PGAP2: variants seen among roughly 807,000 people sequenced by gnomAD.
PGAP2 encodes acyltransferase PGAP2.
A neutral mutation model predicts 33.2 loss-of-function variants in PGAP2; 21 were observed. That is an observed-to-expected ratio of 0.63 (90% confidence interval 0.45 to 0.91). PGAP2 has a LOEUF of 0.91. Among genes scored for constraint, PGAP2 ranks in the 40% least tolerant of loss-of-function variants. The pLI is 0.00. For missense variants in PGAP2, 345 were observed against 424.0 expected (o/e 0.81, Z 1.64); for synonymous variants, 161 against 172.9 (o/e 0.93, Z 0.54).
chr11:3,820,584 T>C (rs888643722), intron 3 of PGAP2, among the ~76,000 whole-genome samples: 9 of 151,912 alleles, frequency 5.9e-5, no homozygotes, highest in Non-Finnish European at 2.9e-5. Context: ...TGCTTGAACC[T>C]GGGAGGTGGA....
chr11:3,800,594 G>A (rs995798167), intron 1 of PGAP2, among the ~76,000 whole-genome samples: 2 of 150,910 alleles, frequency 1.3e-5, no homozygotes, highest in East Asian at 2.0e-4. Context: ...GGCGGATCAC[G>A]AGGTCAGGAG....
At chr11:3,815,800 A>C (rs889666953) in intron 2 of PGAP2, among the ~76,000 whole-genome samples, 3 of 152,154 alleles carry the variant, frequency 2.0e-5, no homozygotes, top group African/African-American at 7.2e-5. Context: ...GAACATCGAT[A>C]TCTCATATTC....
chr11:3,823,597 C>G, intron 3 of PGAP2: 1 of 1,535,972 alleles, frequency 6.5e-7, no homozygotes, highest in Non-Finnish European at 8.7e-7. Flanking sequence ...CCCATCTACA[C>G]ATTGACCAAA....
chr11:3,798,457 G>A (rs113049814), intron 1 of PGAP2, among the ~76,000 whole-genome samples: 16,142 of 152,048 alleles, frequency 0.11, 955 homozygotes, highest in Middle Eastern at 0.16. Context: ...AGCCTCCCAA[G>A]TAGCTGGGAT....
In PGAP2 at chr11:3,811,270, T is replaced by C; in HGVS notation, c.11T>C (p.Val4Ala). 8 of 1,613,390 alleles carry C rather than the reference T, an allele frequency of 5.0e-6. No individual in the cohort carries two copies. Among genetic ancestry groups the C allele is most frequent in the Non-Finnish European group, 5.9e-6 (7 of 1,179,600 alleles). ...CCCAGGTCTGACAAGATGTACCAGG[T>C]CCCACTACCACTGGATCGGGATGGG... MYQ[V>A]PLPLDRDGTL... is the part of the protein sequence containing the mutation. The change falls in exon 2 of 7, where the codon GTC (valine) becomes GCC (alanine). Residue 4 changes from valine (V) to alanine (A), a missense_variant. By Grantham distance (64) the Val-to-Ala change is moderately conservative (BLOSUM62 0). Coordinates refer to ENST00000278243, the MANE Select transcript of PGAP2 (RefSeq NM_014489.4). The surrounding 1 kb of genome is among the most constrained non-coding windows in gnomAD (Gnocchi z 4.6).
chr11:3,802,210 C>T (rs1027070633), intron 1 of PGAP2, among the ~76,000 whole-genome samples: 3 of 151,822 alleles, frequency 2.0e-5, no homozygotes, highest in South Asian at 2.1e-4. Flanking sequence ...TGGAGGAATA[C>T]GTACTGGATG....
intron 3 of PGAP2, among the ~76,000 whole-genome samples, chr11:3,823,278 C>T (rs765864780): frequency 1.3e-5 from 2 of 151,794 alleles, no homozygotes; most frequent in Admixed American, 6.6e-5. Flanking sequence ...TCGGGTGATC[C>T]ACCCACCTCG....
chr11:3,798,126 G>A, intron 1 of PGAP2: 7 of 1,457,128 alleles, frequency 4.8e-6, no homozygotes, highest in Non-Finnish European at 6.3e-6. Flanking sequence ...GAGTTTGCCC[G>A]AGGCTTCTTC....
At chr11:3,817,633 A>T (rs1424528718) in intron 3 of PGAP2, 98 bp downstream of exon 3, 1 of 999,556 alleles carries the variant, frequency 1.0e-6, no homozygotes, top group Non-Finnish European at 1.6e-6. Flanking sequence ...GATCAGAGAG[A>T]GGGAAAGGGA....
upstream of PGAP2, among the ~76,000 whole-genome samples, chr11:3,805,862 T>G (rs544822045): frequency 1.3e-5 from 2 of 151,972 alleles, no homozygotes; most frequent in South Asian, 4.2e-4. Flanking sequence ...AATTTTTGTA[T>G]TTTTAGTAGA....
intron 1 of PGAP2, among the ~76,000 whole-genome samples, chr11:3,799,261 G>A (rs1376520367): frequency 6.6e-6 from 1 of 152,176 alleles, no homozygotes; most frequent in Non-Finnish European, 1.5e-5. Flanking sequence ...TATACTGGCC[G>A]GGCTGGTGGC....
Position 3,825,514 on chromosome 11 carries a change from A to G in PGAP2, c.*56A>G. 6.4e-7 allele frequency: 1 copy of G among 1,573,496 alleles called. No individual in the cohort carries two copies. Among genetic ancestry groups the G allele is most frequent in the Non-Finnish European group, 8.7e-7 (1 of 1,155,832 alleles). On this transcript the variant is annotated 3_prime_UTR_variant, in exon 7 of 7. Coordinates refer to ENST00000278243, the MANE Select transcript of PGAP2 (RefSeq NM_014489.4). Reference sequence around the variant, plus strand: ...CCACTGCCCAGAAACAAGAAACACGATACCATTCTGGCCTTCCCCACCCCA... The same window carrying G: ...CCACTGCCCAGAAACAAGAAACACGGTACCATTCTGGCCTTCCCCACCCCA...
chr11:3,800,868 C>G (rs1046574181), intron 1 of PGAP2, among the ~76,000 whole-genome samples: 1 of 151,152 alleles, frequency 6.6e-6, no homozygotes, highest in African/African-American at 2.4e-5. Flanking sequence ...AATGGTGGCT[C>G]ACGCCTATAA....
chr11:3,819,468 T>G (rs2087973818), intron 3 of PGAP2, among the ~76,000 whole-genome samples: 1 of 151,038 alleles, frequency 6.6e-6, no homozygotes, highest in South Asian at 2.1e-4. Flanking sequence ...CAAATGGAGT[T>G]TTTGTGCAGT....
intron 2 of PGAP2, among the ~76,000 whole-genome samples, chr11:3,814,757 TTTCTTTCTTTC>T (rs2086445126): frequency 6.8e-5 from 6 of 88,114 alleles, no homozygotes; most frequent in African/African-American, 2.2e-4. Context: ...CTTTTCTTTC[TTTCTTTCTTTC>T]TTTCTTTCTT....
At position 3,797,908 on chromosome 11, in the gene PGAP2, C is replaced by T. The variant is rs1311143863; in HGVS notation, c.65C>T (p.Ala22Val). The T allele has an allele frequency of 3.2e-6, 5 of 1,548,446 alleles. No individual in the cohort carries two copies. The East Asian group carries it at 1.2e-4, about 38-fold the overall frequency. The change falls in exon 1 of 7, where the codon GCC becomes GTC. Residue 22 changes from alanine to valine, a missense_variant. By Grantham distance (64) the Ala-to-Val change is moderately conservative. Coordinates refer to the PGAP2 transcript ENST00000300730. ...GTGGTGACGCAACATAGAGACTCCG[C>T]CCCCTTCCTTGGAGCGCCGCGACTC...
chr11:3,812,729 G>T (rs2085858995), intron 2 of PGAP2, among the ~76,000 whole-genome samples: 1 of 152,192 alleles, frequency 6.6e-6, no homozygotes, highest in Admixed American at 6.5e-5. Context: ...CAGAGAAATG[G>T]CTAGGATTAG....
intron 2 of PGAP2, among the ~76,000 whole-genome samples, chr11:3,814,036 G>T (rs1459033621): frequency 1.3e-5 from 2 of 152,102 alleles, no homozygotes; most frequent in Non-Finnish European, 2.9e-5. Flanking sequence ...CTACGGTGTT[G>T]GTTCCACCTT....
chr11:3,823,533 AC>A, intron 3 of PGAP2: 1 of 1,474,164 alleles, frequency 6.8e-7, no homozygotes, highest in Non-Finnish European at 9.2e-7. Context: ...CTTGGAACTC[AC>A]CCAGGGTCTT....
Sources: allele counts gnomAD v4.1 joint callset (sites outside exome capture counted in the v4.1 genomes callset), GRCh38; gene constraint gnomAD v4.1.1; non-coding constraint Gnocchi (gnomAD v3.1); transcripts MANE v1.5; gene names NCBI Gene and HGNC (gene_info 2026-07-23, HGNC 2026-07-21).